CADPS2: variants seen among roughly 807,000 people sequenced by gnomAD.
CADPS2 encodes the protein calcium-dependent secretion activator 2.
CADPS2 carries 93 observed loss-of-function variants against 172.5 expected under a neutral mutation model. The observed-to-expected ratio is 0.54, with a 90% CI of 0.46 to 0.64. The LOEUF is 0.64. CADPS2 is among the 30% of genes least tolerant of loss of function. The pLI, the probability that CADPS2 is intolerant of heterozygous loss-of-function variation, is 0.00. For synonymous variants in CADPS2, 546 were observed against 555.2 expected, an observed-to-expected ratio of 0.98 and a Z score of 0.23; for missense variants, 1,420 against 1,565.9, an observed-to-expected ratio of 0.91 and a Z score of 1.57.
intron 1 of CADPS2, among the ~76,000 whole-genome samples, chr7:122,805,399 C>T (rs1214133373): frequency 6.6e-6 from 1 of 152,120 alleles, no homozygotes; most frequent in Non-Finnish European, 1.5e-5. Context: ...ACCTAGTGAT[C>T]CGCCTGCCTT....
At chr7:122,736,056 C>G (rs1392807520) in intron 2 of CADPS2, among the ~76,000 whole-genome samples, 2 of 152,238 alleles carry the variant, frequency 1.3e-5, no homozygotes, top group Non-Finnish European at 2.9e-5. Context: ...GTCAGCAAAA[C>G]TTCATTTAAT....
chr7:122,780,964 G>C (rs562524768), intron 1 of CADPS2, among the ~76,000 whole-genome samples: 4 of 152,078 alleles, frequency 2.6e-5, no homozygotes, highest in Admixed American at 6.5e-5. Context: ...TTCATATGTG[G>C]GAGTGCTGAG....
intron 6 of CADPS2, among the ~76,000 whole-genome samples, chr7:122,598,068 CT>C (rs2072147648): frequency 6.6e-6 from 1 of 151,970 alleles, no homozygotes; most frequent in African/African-American, 2.4e-5. Context: ...ACTACCATTT[CT>C]TTTTTCTTAG....
intron 2 of CADPS2, among the ~76,000 whole-genome samples, chr7:122,690,405 C>T (rs1273178305): frequency 6.6e-6 from 1 of 152,108 alleles, no homozygotes; most frequent in Non-Finnish European, 1.5e-5. Flanking sequence ...CCTGGCCGTT[C>T]CCCTACGAAC....
chr7:122,504,915 A>C (rs1221914400), intron 9 of CADPS2, among the ~76,000 whole-genome samples: 2 of 152,158 alleles, frequency 1.3e-5, no homozygotes, highest in African/African-American at 4.8e-5. Context: ...TGTGTTGATG[A>C]AGATGTTTGG....
chr7:122,729,989 G>A (rs2091495707), intron 2 of CADPS2, among the ~76,000 whole-genome samples: 1 of 151,478 alleles, frequency 6.6e-6, no homozygotes, highest in Non-Finnish European at 1.5e-5. Flanking sequence ...AAATGTGAAT[G>A]TGTCTTTCAT....
chr7:122,350,586 G>C (rs2038398224), intron 27 of CADPS2, among the ~76,000 whole-genome samples: 1 of 152,092 alleles, frequency 6.6e-6, no homozygotes, highest in African/African-American at 2.4e-5. Context: ...AGATTATATT[G>C]TATTCCCACA....
intron 24 of CADPS2, chr7:122,386,311 T>C: frequency 7.0e-7 from 1 of 1,437,424 alleles, no homozygotes; most frequent in Non-Finnish European, 9.2e-7. Flanking sequence ...ACTACCAAAC[T>C]GGATCATGCC....
At chr7:122,808,969 C>CTA (rs1395146629) in intron 1 of CADPS2, among the ~76,000 whole-genome samples, 1 of 152,030 alleles carries the variant, frequency 6.6e-6, no homozygotes, top group Non-Finnish European at 1.5e-5. Context: ...AAATGTAGGA[C>CTA]TATATGTTCC....
chr7:122,471,612 C>T (rs190550577), intron 13 of CADPS2, 50 bp from the exon 14 acceptor site: 81 of 1,469,232 alleles, frequency 5.5e-5, no homozygotes, highest in South Asian at 3.1e-4. Flanking sequence ...TTCTATACTA[C>T]GATTTGCTTT....
intron 2 of CADPS2, among the ~76,000 whole-genome samples, chr7:122,667,765 T>A (rs992086992): frequency 6.6e-6 from 1 of 151,400 alleles, no homozygotes; most frequent in African/African-American, 2.4e-5. Context: ...GAATAACCCA[T>A]GAGCTGTGTG....
At chr7:122,824,865 C>T (rs1300774698) in intron 1 of CADPS2, among the ~76,000 whole-genome samples, 1 of 152,154 alleles carries the variant, frequency 6.6e-6, no homozygotes, top group African/African-American at 2.4e-5. Flanking sequence ...AGGAACACAT[C>T]TAGTTTTATC....
chr7:122,559,191 T>C (rs2065402513), intron 7 of CADPS2, among the ~76,000 whole-genome samples: 1 of 152,082 alleles, frequency 6.6e-6, no homozygotes, highest in Non-Finnish European at 1.5e-5. Context: ...ACCTAAGATT[T>C]ATAAGGCTGA....
chr7:122,769,511 C>A (rs755031322), intron 1 of CADPS2, among the ~76,000 whole-genome samples: 43 of 152,176 alleles, frequency 2.8e-4, no homozygotes, highest in Non-Finnish European at 4.1e-4. Context: ...AGAATGACAG[C>A]CAAGTTTCAA....
At chr7:122,700,391 T>C (rs1403206143) in intron 2 of CADPS2, among the ~76,000 whole-genome samples, 2 of 152,150 alleles carry the variant, frequency 1.3e-5, no homozygotes, top group Admixed American at 6.5e-5. Context: ...ATACTGATGA[T>C]ATAAAACATA....
chr7:122,603,115 A>G (rs2073025628), intron 6 of CADPS2, among the ~76,000 whole-genome samples: 1 of 152,116 alleles, frequency 6.6e-6, no homozygotes, highest in Non-Finnish European at 1.5e-5. Context: ...AGAATATATG[A>G]CAACTAACAA....
At chr7:122,628,679 G>T (rs998697642) in intron 4 of CADPS2, among the ~76,000 whole-genome samples, 1 of 150,636 alleles carries the variant, frequency 6.6e-6, no homozygotes, top group Non-Finnish European at 1.5e-5. Flanking sequence ...CATGCCTTTT[G>T]TCTGAAATTT....
intron 9 of CADPS2, among the ~76,000 whole-genome samples, chr7:122,500,151 A>G (rs922300877): frequency 6.6e-6 from 1 of 152,176 alleles, no homozygotes; most frequent in African/African-American, 2.4e-5. Context: ...TTCCATTTCT[A>G]TATATTTCTC....
At chr7:122,487,765 G>A (rs550667426) in intron 11 of CADPS2, among the ~76,000 whole-genome samples, 19 of 152,252 alleles carry the variant, frequency 1.2e-4, no homozygotes, top group Non-Finnish European at 2.5e-4. Context: ...GGATCTGGAG[G>A]CATTCTATGT....
Sources: allele counts gnomAD v4.1 joint callset (sites outside exome capture counted in the v4.1 genomes callset), GRCh38; gene constraint gnomAD v4.1.1; transcripts MANE v1.5; gene names NCBI Gene and HGNC (gene_info 2026-07-23, HGNC 2026-07-21).